The following TAFA1 variants were observed in gnomAD, a reference collection of about 807,000 sequenced individuals.
TAFA1 encodes the protein chemokine-like protein TAFA-1.
In TAFA1, 4 loss-of-function variants were observed where a neutral mutation model predicts 18.5. The observed-to-expected ratio is 0.22, with a 90% CI of 0.11 to 0.49. The LOEUF (loss-of-function observed/expected upper bound fraction) is 0.49, where lower values mean the gene tolerates loss of function less well. Ranked by LOEUF, TAFA1 falls within the 20% of genes least tolerant of loss-of-function variation. TAFA1 has a pLI of 0.98. For missense variants in TAFA1, 147 were observed against 169.0 expected, an observed-to-expected ratio of 0.87 and a Z score of 0.72; for synonymous variants, 56 against 55.2, an observed-to-expected ratio of 1.01 and a Z score of -0.06.
intron 2 of TAFA1, among the ~76,000 whole-genome samples, chr3:68,399,070 A>T (rs1311010233): frequency 2.0e-5 from 3 of 152,166 alleles, no homozygotes; most frequent in African/African-American, 7.2e-5. Context: ...AATTTACATA[A>T]CTTTAGAGTT....
chr3:68,386,398 T>TG (rs2070105056), intron 2 of TAFA1, among the ~76,000 whole-genome samples: 1 of 152,068 alleles, frequency 6.6e-6, no homozygotes, highest in South Asian at 2.1e-4. Context: ...ACGAGTTTTT[T>TG]TTTGTTTGTT....
intron 2 of TAFA1, among the ~76,000 whole-genome samples, chr3:68,343,088 T>G (rs2069110771): frequency 6.6e-6 from 1 of 152,212 alleles, no homozygotes; most frequent in South Asian, 2.1e-4. Flanking sequence ...TGAAAGCAAC[T>G]TTCTTAGCAA....
intron 2 of TAFA1, among the ~76,000 whole-genome samples, chr3:68,108,436 G>A (rs1365715319): frequency 4.8e-5 from 1 of 21,024 alleles, no homozygotes; most frequent in Non-Finnish European, 9.7e-5. Context: ...TTATTTGAAG[G>A]TGTGTGTGTG....
intron 2 of TAFA1, among the ~76,000 whole-genome samples, chr3:68,072,985 C>T (rs996989045): frequency 1.1e-4 from 16 of 152,110 alleles, no homozygotes; most frequent in African/African-American, 3.6e-4. Flanking sequence ...TGAAATTTAC[C>T]TAAAAAGGAA....
chr3:68,303,373 A>G (rs528791636), intron 2 of TAFA1, among the ~76,000 whole-genome samples: 4 of 152,328 alleles, frequency 2.6e-5, no homozygotes, highest in African/African-American at 9.6e-5. Flanking sequence ...TTCAAAAATT[A>G]GCCATTTACT....
intron 2 of TAFA1, among the ~76,000 whole-genome samples, chr3:68,273,072 C>T (rs578013939): frequency 3.0e-4 from 46 of 151,864 alleles, no homozygotes; most frequent in African/African-American, 1.1e-3. Flanking sequence ...CAAATTATGC[C>T]ACAGGCTATG....
chr3:68,146,836 T>C (rs1219821415), intron 2 of TAFA1, among the ~76,000 whole-genome samples: 1 of 152,114 alleles, frequency 6.6e-6, no homozygotes, highest in Non-Finnish European at 1.5e-5. Flanking sequence ...AATAACATTG[T>C]TTATTAGATG....
At chr3:68,175,433 G>A (rs570917445) in intron 2 of TAFA1, among the ~76,000 whole-genome samples, 124 of 152,296 alleles carry the variant, frequency 8.1e-4, no homozygotes, top group Non-Finnish European at 1.5e-3. Context: ...CCACAAGGGC[G>A]GAGTTGTCCA....
chr3:68,269,636 T>G (rs1475791168), intron 2 of TAFA1, among the ~76,000 whole-genome samples: 1 of 152,074 alleles, frequency 6.6e-6, no homozygotes, highest in Non-Finnish European at 1.5e-5. Flanking sequence ...AGATAATAAC[T>G]TTTGGCCAGG....
chr3:68,319,672 G>C (rs1420150891), intron 2 of TAFA1, among the ~76,000 whole-genome samples: 1 of 152,120 alleles, frequency 6.6e-6, no homozygotes, highest in Non-Finnish European at 1.5e-5. Context: ...TTGTCCTTTA[G>C]GTAAAATCAC....
At chr3:68,459,479 G>GT (rs566820833) in intron 3 of TAFA1, among the ~76,000 whole-genome samples, 309 of 92,382 alleles carry the variant, frequency 3.3e-3, no homozygotes, top group Non-Finnish European at 5.3e-3. Flanking sequence ...TTTTTGTTCT[G>GT]TTTTTTAACG....
At chr3:68,045,770 T>A (rs1705255344) in intron 2 of TAFA1, among the ~76,000 whole-genome samples, 1 of 152,210 alleles carries the variant, frequency 6.6e-6, no homozygotes, top group Admixed American at 6.5e-5. Context: ...GATGATTTCT[T>A]TAGTCCTTTT....
At chr3:68,098,204 A>G (rs1318059865) in intron 2 of TAFA1, among the ~76,000 whole-genome samples, 1 of 152,124 alleles carries the variant, frequency 6.6e-6, no homozygotes, top group East Asian at 1.9e-4. Flanking sequence ...GAATGCATCA[A>G]ATGGGGGAAA....
intron 2 of TAFA1, among the ~76,000 whole-genome samples, chr3:68,209,179 G>A (rs1036895100): frequency 3.9e-5 from 6 of 151,972 alleles, no homozygotes; most frequent in African/African-American, 1.2e-4. Flanking sequence ...GCCTCCACAT[G>A]AGAACACAGC....
intron 2 of TAFA1, among the ~76,000 whole-genome samples, chr3:68,116,120 TGGC>T (rs2065321766): frequency 6.6e-6 from 1 of 152,056 alleles, no homozygotes; most frequent in Non-Finnish European, 1.5e-5. Context: ...CCTGGCATGG[TGGC>T]GGGCCCCTGT....
rs368514519 is a variant in TAFA1, at chr3:68,405,781, G to GC, written c.119-11493dup. 1.1e-3 allele frequency among the ~76,000 whole-genome samples: 150 copies of GC among 135,448 alleles called. 1 individual carries two copies. The highest frequency in any genetic ancestry group is 3.9e-3 in the African/African-American group (144 of 36,624). 88.9% of individuals were successfully genotyped at this position (135,448 alleles called of 152,430 possible). Reference sequence around the variant, plus strand: ...GTATGCAATGGAAAGAACACGTTAGGCCCCCCACCACTGCAGGAAGAGCTC... The same window carrying GC: ...GTATGCAATGGAAAGAACACGTTAGGCCCCCCCACCACTGCAGGAAGAGCTC... On this transcript the variant is annotated intron_variant, in intron 2 of 4. Coordinates refer to ENST00000478136, the MANE Select transcript of TAFA1 (RefSeq NM_213609.4).
intron 3 of TAFA1, among the ~76,000 whole-genome samples, chr3:68,438,140 C>T (rs1356559606): frequency 6.6e-6 from 1 of 152,108 alleles, no homozygotes; most frequent in Non-Finnish European, 1.5e-5. Context: ...GGGCAGATTG[C>T]TTGAGCCCAG....
chr3:68,210,532 A>T (rs1252105961), intron 2 of TAFA1, among the ~76,000 whole-genome samples: 1 of 152,054 alleles, frequency 6.6e-6, no homozygotes, highest in African/African-American at 2.4e-5. Flanking sequence ...CCTTCAGTCT[A>T]GCATAATGAA....
In TAFA1 at chr3:68,417,314, A is replaced by G. The variant is rs754427926; in HGVS notation, c.153A>G (p.Arg51=). Residue 51 remains arginine (R), a synonymous_variant, in exon 3 of 5, where the codon CGA becomes CGG. Transcript: ENST00000478136. ...CGTGTGAAGTGATAGCAGCACACCG[A>G]TGTTGTAACAAGAATCGCATTGAGG... ...GGTCEVIAAH[R]CCNKNRIEER... The G allele has an allele frequency of 6.2e-7, 1 of 1,613,474 alleles. No homozygotes were observed. The highest frequency in any genetic ancestry group is 1.1e-5 in the South Asian group (1 of 91,038).
Sources: gnomAD v4.1 joint callset for allele counts (sites outside exome capture counted in the v4.1 genomes callset) on GRCh38, gnomAD v4.1.1 for gene constraint, MANE v1.5 for transcripts, NCBI Gene and HGNC (gene_info 2026-07-23, HGNC 2026-07-21) for gene names.